The following GIT1 variants were observed in gnomAD, a reference collection of about 807,000 sequenced individuals.
GIT1 encodes the protein ARF GTPase-activating protein GIT1.
In GIT1, 14 loss-of-function variants were observed where a neutral mutation model predicts 91.7. That is an observed-to-expected ratio of 0.15 (90% CI 0.10 to 0.24). The LOEUF is 0.24. GIT1 is among the 10% of genes least tolerant of loss of function. The pLI, the probability that GIT1 is intolerant of heterozygous loss-of-function variation, is 1.00. For missense variants in GIT1, 717 were observed against 1,024.9 expected (o/e 0.70, Z 4.10); for synonymous variants, 414 against 418.2 (o/e 0.99, Z 0.12).
chr17:29,586,565 CCAA>C (rs1215642775), intron 1 of GIT1, among the ~76,000 whole-genome samples: 1 of 149,292 alleles, frequency 6.7e-6, no homozygotes, highest in Non-Finnish European at 1.5e-5. Context: ...GAAGAGGAGC[CCAA>C]CATTTGTCCC....
At chr17:29,584,507 C>T (rs1017536048) in intron 1 of GIT1, among the ~76,000 whole-genome samples, 13 of 152,202 alleles carry the variant, frequency 8.5e-5, no homozygotes, top group Non-Finnish European at 2.9e-5. Flanking sequence ...GAGGAGATGC[C>T]ACCCATCCTA....
intron 13 of GIT1, 25 bp downstream of exon 13, chr17:29,576,497 C>T: frequency 6.2e-7 from 1 of 1,613,462 alleles, no homozygotes; most frequent in Non-Finnish European, 8.5e-7. Context: ...TGGGGCTCCC[C>T]CTCCCACCGA....
chr17:29,582,247 G>A, intron 4 of GIT1, 103 bp from the exon 5 acceptor site: 1 of 844,478 alleles, frequency 1.2e-6, no homozygotes, highest in South Asian at 1.6e-5. Context: ...GCAGCTCCAA[G>A]GAGGCCTGCC....
chr17:29,577,999 C>T (rs903332484), intron 9 of GIT1, among the ~76,000 whole-genome samples: 1 of 152,210 alleles, frequency 6.6e-6, no homozygotes, highest in African/African-American at 2.4e-5. Context: ...CCGGCTGTGG[C>T]CAGGAAGGAG....
chr17:29,586,434 C>T (rs868833192), intron 1 of GIT1, among the ~76,000 whole-genome samples: 3 of 152,066 alleles, frequency 2.0e-5, no homozygotes, highest in Admixed American at 1.3e-4. Context: ...AGATTGGATA[C>T]CCTTATTCTA....
intron 3 of GIT1, 60 bp downstream of exon 3, chr17:29,582,865 T>A: frequency 6.5e-7 from 1 of 1,548,366 alleles, no homozygotes; most frequent in Non-Finnish European, 8.9e-7. Context: ...CCTTGCCACC[T>A]CCCAGGGCCC....
chr17:29,581,879 C>G lies in GIT1; in HGVS notation c.624-43G>C. Reference sequence around the variant, plus strand: ...GGCTCAGACCTGCAGCAGCAGCCCTCACCCACACCCCCACCCACCCACACT... The same window carrying G: ...GGCTCAGACCTGCAGCAGCAGCCCTGACCCACACCCCCACCCACCCACACT... On this transcript the variant is annotated intron_variant, in intron 5 of 19. Coordinates refer to ENST00000225394, the MANE Select transcript of GIT1 (RefSeq NM_014030.4). This position sits in a 1 kb window ranked among gnomAD's most constrained non-coding sequence, Gnocchi z 4.8. The G allele has an allele frequency of 6.2e-7, 1 of 1,606,902 alleles. No individual in the cohort carries two copies. The highest frequency in any genetic ancestry group is 8.5e-7 in the Non-Finnish European group (1 of 1,174,752).
Position 29,575,603 on chromosome 17 carries a change from C to T in GIT1, c.1826+27G>A. 1 of 1,606,456 alleles carries T rather than the reference C, an allele frequency of 6.2e-7. No homozygotes were observed. On this transcript the variant is annotated intron_variant, in intron 17 of 19. Coordinates refer to ENST00000225394, the MANE Select transcript of GIT1 (RefSeq NM_014030.4). This position sits in a 1 kb window ranked among gnomAD's most constrained non-coding sequence, Gnocchi z 5.5. Reference sequence around the variant, plus strand: ...CTCCCCGCCTCGGCATGTGAGCAGGCTGGACTGGAGACCCAGGGAGCCTCA... The same window carrying T: ...CTCCCCGCCTCGGCATGTGAGCAGGTTGGACTGGAGACCCAGGGAGCCTCA...
intron 2 of GIT1, 43 bp downstream of exon 2, chr17:29,583,440 T>A (rs967449262): frequency 1.7e-5 from 27 of 1,600,086 alleles, no homozygotes; most frequent in Non-Finnish European, 2.0e-5. Context: ...CTCAGCACAC[T>A]CTGCCTGAGG....
In GIT1 at chr17:29,574,326, C is replaced by T. The variant is rs1181696175; in HGVS notation, c.*376G>A. The T allele has an allele frequency of 1.1e-5, 3 of 279,158 alleles. No homozygotes were observed. Among genetic ancestry groups the T allele is most frequent in the Non-Finnish European group, 7.0e-6 (1 of 143,172 alleles). 17.3% of individuals were successfully genotyped at this position (279,158 alleles called of 1,614,324 possible). On this transcript the variant is annotated 3_prime_UTR_variant, in exon 20 of 20. Transcript: ENST00000225394. ...TCAGCCCCCAGTAGGGCTGAACTGG[C>T]TCATGGGGGTGGGGCGCATGTACGG...
chr17:29,577,840 C>T (rs1425904500), intron 9 of GIT1, 98 bp from the exon 10 acceptor site: 1 of 755,102 alleles, frequency 1.3e-6, no homozygotes, highest in African/African-American at 1.7e-5. Flanking sequence ...TGCCCCCACG[C>T]CTACTGAGCA....
Position 29,582,731 on chromosome 17 carries a change from G to A in GIT1, c.372C>T (p.Asp124=), listed in dbSNP as rs1365580873. The A allele has an allele frequency of 6.8e-6, 11 of 1,613,436 alleles. No homozygotes were observed. The highest frequency in any genetic ancestry group is 6.7e-5 in the African/African-American group (5 of 74,932). ...LAFVHKLPCR[D]DDGVTAKDLS... is the part of the protein sequence containing the mutation. ...GGTCTTTGGCGGTGACTCCATCATC[G>A]TCCCGGCAGGGAAGCTTGTGCACAA... The change falls in exon 4 of 20, where the codon GAC becomes GAT. Residue 124 remains aspartate, a synonymous_variant. Transcript: ENST00000225394.
intron 1 of GIT1, among the ~76,000 whole-genome samples, chr17:29,585,480 T>C (rs1598579651): frequency 6.6e-6 from 1 of 152,022 alleles, no homozygotes; most frequent in Non-Finnish European, 1.5e-5. Context: ...CCAGATGTGG[T>C]GAGTGACCCT....
In GIT1 at chr17:29,574,470, T is replaced by C; in HGVS notation, c.*232A>G. 1 of 593,158 alleles carries C rather than the reference T, an allele frequency of 1.7e-6. No individual in the cohort carries two copies. Among genetic ancestry groups the C allele is most frequent in the South Asian group, 1.9e-5 (1 of 51,878 alleles). 36.7% of individuals were successfully genotyped at this position (593,158 alleles called of 1,614,324 possible). ...TCACTAGGAGGGGGGAGATGCTATATACAGAGGGGAGGTGCATGGAATGTG... is the reference window on the plus strand; with the variant it reads ...TCACTAGGAGGGGGGAGATGCTATACACAGAGGGGAGGTGCATGGAATGTG... On this transcript the variant is annotated 3_prime_UTR_variant, in exon 20 of 20. Transcript: ENST00000225394.
Position 29,574,718 on chromosome 17 carries a change from C to T in GIT1, c.2270G>A (p.Arg757Gln). 1.2e-6 allele frequency: 2 copies of T among 1,612,886 alleles called. No individual in the cohort carries two copies. Among genetic ancestry groups the T allele is most frequent in the South Asian group, 1.1e-5 (1 of 91,028 alleles). The part of the protein sequence containing the change: ...AAKQLVTITT[R>Q]EKKQ ...GGAGAGAGGTCACTGCTTCTTCTCT[C>T]GGGTGGTGATGGTGACCAGCTGCTT... Residue 757 changes from arginine to glutamine, a missense_variant, in exon 20 of 20, where the codon CGA becomes CAA. By Grantham distance (43) the Arg-to-Gln change is conservative. Around this residue, in one of 3 missense-constraint regions of GIT1, gnomAD observed 134 missense variants for 223.8 expected, o/e 0.60. Transcript: ENST00000225394.
At chr17:29,577,363 G>A (rs1322660730) in intron 10 of GIT1, 116 bp from the exon 11 acceptor site, 10 of 829,198 alleles carry the variant, frequency 1.2e-5, no homozygotes, top group African/African-American at 1.7e-5. Flanking sequence ...CAGCTAAAGC[G>A]TCCCAGCCTA....
chr17:29,579,265 T>C (rs2033317744), intron 7 of GIT1: 6 of 505,286 alleles, frequency 1.2e-5, no homozygotes, highest in Non-Finnish European at 3.5e-6. Flanking sequence ...GCTCCCCAGG[T>C]TCCTCAATCA....
Position 29,589,394 on chromosome 17 carries a change from G to A in GIT1, c.-16C>T. On this transcript the variant is annotated 5_prime_UTR_variant, in exon 1 of 20. Coordinates refer to ENST00000225394, the MANE Select transcript of GIT1 (RefSeq NM_014030.4). The surrounding 1 kb of genome is among the most constrained non-coding windows in gnomAD (Gnocchi z 5.2). ...TTCGGGACATCCTCAGCGGCGACGC[G>A]GCCGCAGCCCTCTGGGCCAGCGTGG... is the stretch of plus-strand genomic sequence containing the variant. 1.4e-5 allele frequency: 15 copies of A among 1,042,128 alleles called. No individual in the cohort carries two copies. The highest frequency in any genetic ancestry group is 1.6e-5 in the Non-Finnish European group (14 of 860,028). 64.6% of individuals were successfully genotyped at this position (1,042,128 alleles called of 1,614,324 possible).
chr17:29,586,005 G>C lies in GIT1; in HGVS notation c.53-2389C>G, dbSNP rs181705624. Among the ~76,000 whole-genome samples, 3 of 152,268 alleles carry C rather than the reference G, an allele frequency of 2.0e-5. No homozygotes were observed. The East Asian group carries it at 5.8e-4, about 29-fold the overall frequency. Reference sequence around the variant, plus strand: ...AGTGGCCTCCAGGGCCAGTAGGTTTGCACATACAGGCTAGCCTCAGGCCTC... The same window carrying C: ...AGTGGCCTCCAGGGCCAGTAGGTTTCCACATACAGGCTAGCCTCAGGCCTC... On this transcript the variant is annotated intron_variant, in intron 1 of 19. Transcript: ENST00000225394.
Sources: allele counts gnomAD v4.1 joint callset (sites outside exome capture counted in the v4.1 genomes callset), GRCh38; gene constraint gnomAD v4.1.1; regional missense constraint gnomAD v4.1.1; non-coding constraint Gnocchi (gnomAD v3.1); transcripts MANE v1.5; gene names NCBI Gene and HGNC (gene_info 2026-07-23, HGNC 2026-07-21).